Variants in PKIB observed in about 807,000 individuals in gnomAD.
PKIB encodes PKI-beta.
A neutral mutation model predicts 4.5 loss-of-function variants in PKIB; 2 were observed. The observed-to-expected ratio is 0.44, with a 90% CI of 0.18 to 1.39. The LOEUF (loss-of-function observed/expected upper bound fraction) is 1.39, where lower values mean the gene tolerates loss of function less well. PKIB is among the 40% of genes most tolerant of loss of function. The pLI is 0.27. For synonymous variants in PKIB, 38 were observed against 36.0 expected (o/e 1.06, Z -0.20); for missense variants, 94 against 92.6 (o/e 1.02, Z -0.06).
At chr6:122,688,348 G>T (rs9372710) in intron 3 of PKIB, among the ~76,000 whole-genome samples, 38,672 of 151,942 alleles carry the variant, frequency 0.25, 5,480 homozygotes, top group East Asian at 0.54. Flanking sequence ...AGTTGAATTG[G>T]TTTGCTAGTG....
intron 2 of PKIB, chr6:122,481,197 T>A (rs1348556943): frequency 6.6e-6 from 1 of 152,178 alleles, no homozygotes; most frequent in African/African-American, 2.4e-5. Flanking sequence ...GTGAGCACTA[T>A]CACTCCTGAG....
In PKIB at chr6:122,708,954, C is replaced by T. The variant is rs572384207; in HGVS notation, c.-8-8833C>T. Among the ~76,000 whole-genome samples the T allele has an allele frequency of 2.6e-5, 4 of 152,286 alleles. No individual in the cohort carries two copies. In the South Asian group the frequency reaches 6.2e-4, roughly 24 times the overall value. ...AGCTGCGTTAATCTCTTTCTGCCTACAGTCCAACATCAGAGGCTGTCTCTA... is the reference window on the plus strand; with the variant it reads ...AGCTGCGTTAATCTCTTTCTGCCTATAGTCCAACATCAGAGGCTGTCTCTA... On this transcript the variant is annotated intron_variant, in intron 3 of 4. Transcript: ENST00000368452.
rs185631918 is a variant in PKIB, at chr6:122,543,110, G to A, written c.-247-42811G>A. Among the ~76,000 whole-genome samples, 742 of 152,140 alleles carry A rather than the reference G, an allele frequency of 4.9e-3. 10 individuals carry two copies. The highest frequency in any genetic ancestry group is 0.017 in the African/African-American group (698 of 41,450). ...GGAGTGACCTGATTTTCCAGGTGCC[G>A]TCTGTCACCCCTTTCTTTGACTAGG... On this transcript the variant is annotated intron_variant, in intron 2 of 6. Coordinates refer to the PKIB transcript ENST00000392491.
chr6:122,591,703 GTATT>G (rs1232197748), intron 3 of PKIB, among the ~76,000 whole-genome samples: 1 of 151,818 alleles, frequency 6.6e-6, no homozygotes, highest in African/African-American at 2.4e-5. Flanking sequence ...TGGTTTGTAT[GTATT>G]TATTTATTAT....
At chr6:122,677,973 T>A (rs984565322) in intron 3 of PKIB, among the ~76,000 whole-genome samples, 1 of 151,944 alleles carries the variant, frequency 6.6e-6, no homozygotes, top group Non-Finnish European at 1.5e-5. Flanking sequence ...AGTGGCGAGA[T>A]CTCGGCTCAC....
chr6:122,719,226 A>G (rs189149774), intron 4 of PKIB, among the ~76,000 whole-genome samples: 1 of 152,216 alleles, frequency 6.6e-6, no homozygotes, highest in East Asian at 1.9e-4. Context: ...AATCAAGCAA[A>G]AGAGAGCAAA....
intron 3 of PKIB, among the ~76,000 whole-genome samples, chr6:122,685,601 C>G (rs1343566229): frequency 6.6e-6 from 1 of 152,078 alleles, no homozygotes; most frequent in Non-Finnish European, 1.5e-5. Flanking sequence ...TACAGGCATG[C>G]ATCAGGGTAA....
intron 2 of PKIB, among the ~76,000 whole-genome samples, chr6:122,665,381 C>T (rs956707450): frequency 1.3e-5 from 2 of 152,092 alleles, no homozygotes; most frequent in Non-Finnish European, 2.9e-5. Context: ...TTTTCTTAGT[C>T]TAAAATTCAA....
chr6:122,496,357 T>A (rs1331536432), intron 2 of PKIB, among the ~76,000 whole-genome samples: 3 of 152,174 alleles, frequency 2.0e-5, no homozygotes, highest in Non-Finnish European at 4.4e-5. Flanking sequence ...CACCAAAGGA[T>A]CATTCTTTTC....
intron 2 of PKIB, among the ~76,000 whole-genome samples, chr6:122,536,063 C>A (rs1228340351): frequency 2.0e-5 from 3 of 152,128 alleles, no homozygotes; most frequent in Non-Finnish European, 4.4e-5. Flanking sequence ...CCTCAGCCTC[C>A]CAAGTAGCTG....
intron 3 of PKIB, among the ~76,000 whole-genome samples, chr6:122,715,084 CA>C (rs879822529): frequency 1.3e-3 from 188 of 139,808 alleles, no homozygotes; most frequent in Middle Eastern, 3.9e-3. Flanking sequence ...CACGCTGAGC[CA>C]AAAAAAAAAA....
chr6:122,559,171 A>G (rs961169193), intron 2 of PKIB, among the ~76,000 whole-genome samples: 38 of 152,086 alleles, frequency 2.5e-4, no homozygotes, highest in Admixed American at 1.3e-3. Flanking sequence ...ACAAATCAGT[A>G]AGAAAAAAAC....
chr6:122,591,172 C>CCA (rs1256131590), intron 3 of PKIB, among the ~76,000 whole-genome samples: 1 of 150,236 alleles, frequency 6.7e-6, no homozygotes, highest in Admixed American at 6.6e-5. Context: ...AAGGTCCCCC[C>CCA]CCACATCTAA....
At chr6:122,553,259 G>A (rs981422644) in intron 2 of PKIB, among the ~76,000 whole-genome samples, 1 of 152,028 alleles carries the variant, frequency 6.6e-6, no homozygotes, top group Non-Finnish European at 1.5e-5. Flanking sequence ...TTCTTTTCAA[G>A]AGTGTAAACT....
intron 2 of PKIB, among the ~76,000 whole-genome samples, chr6:122,511,673 C>T (rs1776590279): frequency 6.6e-6 from 1 of 152,120 alleles, no homozygotes; most frequent in African/African-American, 2.4e-5. Context: ...GCAAAAGGCG[C>T]CGAGCTCTGG....
At chr6:122,681,226 G>GTT (rs71272333) in intron 3 of PKIB, among the ~76,000 whole-genome samples, 1 of 151,786 alleles carries the variant, frequency 6.6e-6, no homozygotes, top group South Asian at 2.1e-4. Flanking sequence ...TTTTTATAAT[G>GTT]TTTTTTCTCA....
At chr6:122,508,049 T>C (rs1489325136) in intron 2 of PKIB, among the ~76,000 whole-genome samples, 2 of 152,218 alleles carry the variant, frequency 1.3e-5, no homozygotes, top group African/African-American at 4.8e-5. Context: ...TTGTTTGTCC[T>C]TGAGAATTAT....
In PKIB at chr6:122,662,308, C is replaced by CTTTTTTTTTTTTTTTTTTTTTTTT. The variant is rs71021412; in HGVS notation, c.-75-12764_-75-12741dup. 8.3e-4 allele frequency among the ~76,000 whole-genome samples: 11 copies of CTTTTTTTTTTTTTTTTTTTTTTTT among 13,262 alleles called. 2 individuals carry two copies. Among genetic ancestry groups the CTTTTTTTTTTTTTTTTTTTTTTTT allele is most frequent in the Admixed American group, 1.6e-3 (1 of 630 alleles). The allele number at this position is 13,262 out of a possible 152,430, so 8.7% of individuals were successfully genotyped here. A position where few individuals can be genotyped will look rare whatever the true frequency, so the allele number is the denominator to read the frequency against. On this transcript the variant is annotated intron_variant, in intron 2 of 4. Transcript: ENST00000368452. Reference sequence around the variant, plus strand: ...CTCTCCTTCTTTCTTTCCTTGTCTCCTTTTTTTTTTTTTTTTTTTTTTTTT... The same window carrying CTTTTTTTTTTTTTTTTTTTTTTTT: ...CTCTCCTTCTTTCTTTCCTTGTCTCCTTTTTTTTTTTTTTTTTTTTTTTTTTTTTTTTTTTTTTTTTTTTTTTTT...
intron 2 of PKIB, among the ~76,000 whole-genome samples, chr6:122,541,944 C>T (rs1777620709): frequency 6.6e-6 from 1 of 152,018 alleles, no homozygotes; most frequent in Admixed American, 6.6e-5. Context: ...CGTCTTCTAT[C>T]ACTGAGACCC....
Sources: gnomAD v4.1 joint callset for allele counts (sites outside exome capture counted in the v4.1 genomes callset) on GRCh38, gnomAD v4.1.1 for gene constraint, MANE v1.5 for transcripts, NCBI Gene and HGNC (gene_info 2026-07-23, HGNC 2026-07-21) for gene names.